VPS35: variants seen among roughly 807,000 people sequenced by gnomAD.
VPS35 encodes the protein VPS35 retromer complex component, also known as vacuolar protein sorting-associated protein 35.
In VPS35, 21 loss-of-function variants were observed where a neutral mutation model predicts 98.1. That is an observed-to-expected ratio of 0.21 (90% CI 0.15 to 0.31). The LOEUF is 0.31. Ranked by LOEUF, VPS35 falls within the 10% of genes least tolerant of loss-of-function variation. VPS35 has a pLI of 1.00. For missense variants in VPS35, 554 were observed against 950.8 expected, an observed-to-expected ratio of 0.58 and a Z score of 5.49; for synonymous variants, 268 against 318.2, an observed-to-expected ratio of 0.84 and a Z score of 1.68.
intron 3 of VPS35, 88 bp from the exon 4 acceptor site, chr16:46,681,588 G>T: frequency 6.9e-7 from 1 of 1,459,710 alleles, no homozygotes; most frequent in Non-Finnish European, 9.5e-7. Flanking sequence ...TAACTACTGG[G>T]CAGACATCTT....
chr16:46,670,102 C>T (rs146549000), intron 12 of VPS35, among the ~76,000 whole-genome samples: 1 of 151,790 alleles, frequency 6.6e-6, no homozygotes, highest in African/African-American at 2.4e-5. Flanking sequence ...AGAAAAATTA[C>T]AAGAAAAACA....
At chr16:46,688,291 A>G (rs371204054) in intron 1 of VPS35, 44 of 986,846 alleles carry the variant, frequency 4.5e-5, no homozygotes, top group Middle Eastern at 5.2e-4. Context: ...TTAAACGCTA[A>G]TAAAATGCAA....
chr16:46,688,496 AATGC>A, intron 1 of VPS35: 1 of 987,516 alleles, frequency 1.0e-6, no homozygotes, highest in Non-Finnish European at 1.2e-6. Flanking sequence ...CCAATGCACA[AATGC>A]TAAAGTAAAC....
chr16:46,683,423 G>GA, intron 2 of VPS35, 85 bp downstream of exon 2: 1 of 1,275,510 alleles, frequency 7.8e-7, no homozygotes, highest in South Asian at 1.2e-5. Context: ...AGATTTACCA[G>GA]AAACACCTGA....
At chr16:46,668,425 T>C (rs1182829940) in intron 13 of VPS35, among the ~76,000 whole-genome samples, 1 of 152,118 alleles carries the variant, frequency 6.6e-6, no homozygotes, top group Non-Finnish European at 1.5e-5. Flanking sequence ...ATTAAGTTAC[T>C]GAGGTTGTTC....
rs1965916916 is a variant in VPS35, at chr16:46,661,700, C to T, written c.2211+18G>A. On this transcript the variant is annotated intron_variant, in intron 16 of 16. Coordinates refer to ENST00000299138, the MANE Select transcript of VPS35 (RefSeq NM_018206.6). The surrounding 1 kb of genome is among the most constrained non-coding windows in gnomAD (Gnocchi z 4.3). ...GGAAAATATTAGTTTATTAACAACACTTTACTAATTCACTTACCGCATCAT... is the reference window on the plus strand; with the variant it reads ...GGAAAATATTAGTTTATTAACAACATTTTACTAATTCACTTACCGCATCAT... The T allele has an allele frequency of 3.1e-6, 5 of 1,592,696 alleles. No homozygotes were observed. The highest frequency in any genetic ancestry group is 4.3e-6 in the Non-Finnish European group (5 of 1,160,736).
intron 16 of VPS35, 61 bp from the exon 17 acceptor site, chr16:46,660,712 TTA>T: frequency 6.9e-7 from 1 of 1,452,426 alleles, no homozygotes; most frequent in South Asian, 1.1e-5. Flanking sequence ...GAAAGGCAAT[TTA>T]ATAAAACTGT....
In VPS35 at chr16:46,661,600, T is replaced by C. The variant is rs954777837; in HGVS notation, c.2211+118A>G. 1.0e-6 allele frequency: 1 copy of C among 970,866 alleles called. No homozygotes were observed. Among genetic ancestry groups the C allele is most frequent in the African/African-American group, 1.6e-5 (1 of 60,772 alleles). The allele number at this position is 970,866 out of a possible 1,614,324, so 60.1% of individuals were successfully genotyped here. ...TTTGACATCTGTAAATTATTTTACA[T>C]TTTTCAAATGAACAGTGATTAAAGT... is the stretch of plus-strand genomic sequence containing the variant. On this transcript the variant is annotated intron_variant, in intron 16 of 16. Transcript: ENST00000299138. This position sits in a 1 kb window ranked among gnomAD's most constrained non-coding sequence, Gnocchi z 4.3.
In VPS35 at chr16:46,663,367, G is replaced by A. The variant is rs567365004; in HGVS notation, c.1648-205C>T. ...TTTGAGGTTAAATTGCCTTTGCAAT[G>A]TTAATGTATTTGGTATTTGTTTTTT... On this transcript the variant is annotated intron_variant, in intron 13 of 16. Coordinates refer to ENST00000299138, the MANE Select transcript of VPS35 (RefSeq NM_018206.6). Among the ~76,000 whole-genome samples, 6 of 152,344 alleles carry A rather than the reference G, an allele frequency of 3.9e-5. No homozygotes were observed. In the East Asian group the frequency reaches 1.2e-3, roughly 29 times the overall value.
intron 1 of VPS35, among the ~76,000 whole-genome samples, chr16:46,687,406 A>G (rs1966333425): frequency 6.6e-6 from 1 of 152,228 alleles, no homozygotes; most frequent in Admixed American, 6.5e-5. Flanking sequence ...CTGATGGAGC[A>G]CACTGAACGT....
intron 13 of VPS35, among the ~76,000 whole-genome samples, chr16:46,665,100 G>A (rs550161749): frequency 6.6e-5 from 10 of 152,280 alleles, no homozygotes; most frequent in Admixed American, 4.6e-4. Flanking sequence ...AAGTATTATA[G>A]TAATTCACAC....
chr16:46,671,888 A>C (rs753416142), intron 11 of VPS35, 28 bp from the exon 12 acceptor site: 1 of 1,611,598 alleles, frequency 6.2e-7, no homozygotes, highest in South Asian at 1.1e-5. Flanking sequence ...CAAGAAACCC[A>C]CTGAGGTGAA....
rs1965893190 is a variant in VPS35, at chr16:46,660,354, A to G, written c.*118T>C. 7.7e-7 allele frequency: 1 copy of G among 1,298,576 alleles called. No individual in the cohort carries two copies. Among genetic ancestry groups the G allele is most frequent in the Non-Finnish European group, 1.1e-6 (1 of 911,616 alleles). The allele number at this position is 1,298,576 out of a possible 1,614,324, so 80.4% of individuals were successfully genotyped here. A position where few individuals can be genotyped will look rare whatever the true frequency, so the allele number is the denominator to read the frequency against. ...GTGCTGGGTAAAACACATCACAGGT[A>G]AGAAATGGGAAACCTACCTCAGCAT... On this transcript the variant is annotated 3_prime_UTR_variant, in exon 17 of 17. Transcript: ENST00000299138.
At chr16:46,673,216 C>T (rs1004317869) in intron 10 of VPS35, among the ~76,000 whole-genome samples, 2 of 151,808 alleles carry the variant, frequency 1.3e-5, no homozygotes, top group Admixed American at 1.3e-4. Context: ...AGTGATTCTC[C>T]CAATTCAGCC....
intron 1 of VPS35, among the ~76,000 whole-genome samples, chr16:46,686,501 A>G (rs191463403): frequency 2.0e-5 from 3 of 152,362 alleles, no homozygotes; most frequent in East Asian, 3.9e-4. Context: ...AAATGTAAAT[A>G]CAAAATGTTG....
At chr16:46,664,199 G>T (rs1965955270) in intron 13 of VPS35, among the ~76,000 whole-genome samples, 1 of 151,742 alleles carries the variant, frequency 6.6e-6, no homozygotes, top group Admixed American at 6.6e-5. Context: ...TTTGTGTGTG[G>T]TTTTCTTTTT....
Position 46,661,663 on chromosome 16 carries a change from A to AG in VPS35, c.2211+54_2211+55insC. On this transcript the variant is annotated intron_variant, in intron 16 of 16. Coordinates refer to ENST00000299138, the MANE Select transcript of VPS35 (RefSeq NM_018206.6). This position sits in a 1 kb window ranked among gnomAD's most constrained non-coding sequence, Gnocchi z 4.3. ...AACTTTTGTACATATCAAATCTCCT[A>AG]AGAGTAGGAAGGGAAAATATTAGTT... 6.7e-7 allele frequency: 1 copy of AG among 1,500,960 alleles called. No individual in the cohort carries two copies. Among genetic ancestry groups the AG allele is most frequent in the Admixed American group, 1.7e-5 (1 of 59,026 alleles). 93.0% of individuals were successfully genotyped at this position (1,500,960 alleles called of 1,614,324 possible).
rs765489808 is a variant in VPS35 at position 46,674,355 on chromosome 16, T to C, written c.1119A>G (p.Leu373=). 5 of 1,614,142 alleles carry C rather than the reference T, an allele frequency of 3.1e-6. No homozygotes were observed. The highest frequency in any genetic ancestry group is 1.1e-5 in the South Asian group (1 of 91,090). The part of the protein sequence containing the change: ...PDRVDYVDKV[L]ETTVEIFNKL... ...TATTGAATATCTCCACTGTTGTTTC[T>C]AGAACTTTATCAACATAGTCCACAC... Residue 373 remains leucine, a synonymous_variant, in exon 10 of 17, where the codon CTA becomes CTG. Transcript: ENST00000299138.
chr16:46,661,879 G>A lies in VPS35; in HGVS notation c.2068-18C>T, dbSNP rs369864421. On this transcript the variant is annotated intron_variant, in intron 15 of 16. Transcript: ENST00000299138. This position sits in a 1 kb window ranked among gnomAD's most constrained non-coding sequence, Gnocchi z 4.3. Reference sequence around the variant, plus strand: ...CCGTGAAGCTAAAATAAAAGGGCAGGGGGACAGTGAAGAGATTAATGAAAC... The same window carrying A: ...CCGTGAAGCTAAAATAAAAGGGCAGAGGGACAGTGAAGAGATTAATGAAAC... The A allele has an allele frequency of 1.9e-6, 3 of 1,613,894 alleles. No homozygotes were observed. The highest frequency in any genetic ancestry group is 1.1e-5 in the South Asian group (1 of 91,058).
Sources: gnomAD v4.1 joint callset for allele counts (sites outside exome capture counted in the v4.1 genomes callset) on GRCh38, gnomAD v4.1.1 for gene constraint, Gnocchi (gnomAD v3.1) non-coding constraint, MANE v1.5 for transcripts, NCBI Gene and HGNC (gene_info 2026-07-23, HGNC 2026-07-21) for gene names.